IQCM: variants seen among roughly 807,000 people sequenced by gnomAD.
IQCM encodes the protein IQ motif containing M, also known as IQ domain-containing protein M.
Under a neutral mutation model 57.6 loss-of-function variants are expected in IQCM, and 45 were observed. The observed-to-expected ratio is 0.78, with a 90% CI of 0.62 to 1.00. IQCM has a LOEUF of 1.00. Ranked by LOEUF, IQCM falls within the 50% of genes least tolerant of loss-of-function variation. The probability of loss-of-function intolerance (pLI) is 0.00; values close to 1 mark genes in which losing one functional copy is unlikely to be tolerated. For synonymous variants in IQCM, 148 were observed against 158.9 expected, an observed-to-expected ratio of 0.93 and a Z score of 0.51; for missense variants, 468 against 511.6, an observed-to-expected ratio of 0.91 and a Z score of 0.82.
At chr4:149,534,705 T>G (rs1273216992) in intron 12 of IQCM, among the ~76,000 whole-genome samples, 1 of 152,098 alleles carries the variant, frequency 6.6e-6, no homozygotes, top group African/African-American at 2.4e-5. Context: ...ACATCTCCTT[T>G]TATAAGTCAG....
At chr4:149,708,720 A>C (rs1764341921) in intron 5 of IQCM, among the ~76,000 whole-genome samples, 1 of 152,004 alleles carries the variant, frequency 6.6e-6, no homozygotes, top group Non-Finnish European at 1.5e-5. Context: ...TATATCTCAA[A>C]CATCTTGACA....
chr4:149,486,017 G>GTCTCTC (rs71596213), intron 12 of IQCM, among the ~76,000 whole-genome samples: 4,463 of 121,364 alleles, frequency 0.037, 143 homozygotes, highest in Non-Finnish European at 0.053. Flanking sequence ...AGCAAACAGA[G>GTCTCTC]TCTCTCTCTC....
In IQCM at chr4:149,617,882, C is replaced by T. The variant is rs191224541; in HGVS notation, c.681+3247G>A. ...TGGCACAAACAAATGGAAAAGCATCCCAGTCTCATGAATTGGAAGGATAAA... is the reference window on the plus strand; with the variant it reads ...TGGCACAAACAAATGGAAAAGCATCTCAGTCTCATGAATTGGAAGGATAAA... On this transcript the variant is annotated intron_variant, in intron 8 of 13. Coordinates refer to ENST00000636793, the MANE Select transcript of IQCM (RefSeq NM_001363507.2). Among the ~76,000 whole-genome samples, 73 of 152,124 alleles carry T rather than the reference C, an allele frequency of 4.8e-4. 3 individuals carry two copies. The East Asian group carries it at 9.5e-3, about 20-fold the overall frequency.
chr4:149,593,325 G>A (rs972442908), intron 8 of IQCM, among the ~76,000 whole-genome samples: 1 of 152,146 alleles, frequency 6.6e-6, no homozygotes, highest in African/African-American at 2.4e-5. Context: ...AGACTTTGCT[G>A]AAGTTGCCTA....
intron 2 of IQCM, among the ~76,000 whole-genome samples, chr4:149,806,367 A>G (rs920690848): frequency 4.6e-5 from 7 of 151,964 alleles, no homozygotes; most frequent in African/African-American, 1.4e-4. Flanking sequence ...TTTGAAATAT[A>G]CAATAACTTG....
chr4:149,472,912 C>T (rs1208186760), intron 12 of IQCM, among the ~76,000 whole-genome samples: 1 of 152,178 alleles, frequency 6.6e-6, no homozygotes, highest in Non-Finnish European at 1.5e-5. Flanking sequence ...GGAAAACTGG[C>T]TAGCCATATG....
intron 10 of IQCM, among the ~76,000 whole-genome samples, chr4:149,558,065 G>C (rs760609219): frequency 2.0e-5 from 3 of 152,118 alleles, no homozygotes; most frequent in Non-Finnish European, 4.4e-5. Context: ...CCTTGATCTA[G>C]CACATTCTGG....
chr4:149,564,822 T>C (rs1579508922), intron 9 of IQCM, among the ~76,000 whole-genome samples: 1 of 152,024 alleles, frequency 6.6e-6, no homozygotes, highest in East Asian at 1.9e-4. Flanking sequence ...CCTATATATA[T>C]ATATATTCCA....
At chr4:149,407,323 T>G (rs1304993639) in intron 13 of IQCM, among the ~76,000 whole-genome samples, 1 of 152,178 alleles carries the variant, frequency 6.6e-6, no homozygotes, top group East Asian at 1.9e-4. Context: ...GAAATTAATT[T>G]TTAAACAAAT....
chr4:149,482,242 C>A (rs1018663189), intron 12 of IQCM, among the ~76,000 whole-genome samples: 1 of 152,066 alleles, frequency 6.6e-6, no homozygotes, highest in Non-Finnish European at 1.5e-5. Context: ...AATTTGATTT[C>A]TTCCTTTCCA....
At chr4:149,616,238 T>G (rs1023670927) in intron 8 of IQCM, among the ~76,000 whole-genome samples, 1 of 152,092 alleles carries the variant, frequency 6.6e-6, no homozygotes, top group Non-Finnish European at 1.5e-5. Flanking sequence ...AAATGTAGTA[T>G]ATACATACAA....
intron 12 of IQCM, among the ~76,000 whole-genome samples, chr4:149,506,759 A>G (rs531913431): frequency 1.3e-5 from 2 of 152,348 alleles, no homozygotes; most frequent in East Asian, 3.9e-4. Context: ...GACAGCATAG[A>G]GGAACCAAGA....
intron 8 of IQCM, among the ~76,000 whole-genome samples, chr4:149,598,525 GAACA>G (rs1753981781): frequency 2.0e-5 from 3 of 151,616 alleles, no homozygotes. Context: ...AAAATGGAAA[GAACA>G]AATAAAGGGC....
chr4:149,785,510 G>T (rs555342781), intron 2 of IQCM, among the ~76,000 whole-genome samples: 1 of 152,032 alleles, frequency 6.6e-6, no homozygotes, highest in African/African-American at 2.4e-5. Flanking sequence ...TTCAAACTTT[G>T]ACAAAGAAAA....
chr4:149,626,096 G>A (rs1191332296), intron 7 of IQCM, among the ~76,000 whole-genome samples: 1 of 151,934 alleles, frequency 6.6e-6, no homozygotes, highest in African/African-American at 2.4e-5. Context: ...AAAGAGATTA[G>A]CATTTGAGTC....
At chr4:149,781,700 C>T (rs1771616985) in intron 2 of IQCM, among the ~76,000 whole-genome samples, 2 of 152,250 alleles carry the variant, frequency 1.3e-5, no homozygotes, top group Admixed American at 6.5e-5. Flanking sequence ...CAGACATCTG[C>T]TGGGGGTCTT....
intron 13 of IQCM, among the ~76,000 whole-genome samples, chr4:149,400,878 G>C (rs1049683443): frequency 5.3e-5 from 8 of 151,854 alleles, no homozygotes; most frequent in Non-Finnish European, 1.0e-4. Flanking sequence ...AAGCTGTATA[G>C]ACTAATTCTT....
intron 13 of IQCM, among the ~76,000 whole-genome samples, chr4:149,423,852 C>T (rs550653697): frequency 6.6e-6 from 1 of 151,732 alleles, no homozygotes; most frequent in East Asian, 1.9e-4. Flanking sequence ...ATTTTTGCCT[C>T]CCAATGGTAA....
intron 5 of IQCM, among the ~76,000 whole-genome samples, chr4:149,721,660 A>G (rs1765460970): frequency 6.6e-6 from 1 of 152,146 alleles, no homozygotes; most frequent in Admixed American, 6.6e-5. Context: ...TTCATGGTAT[A>G]AATATACCAC....
Sources: gnomAD v4.1 joint callset for allele counts (sites outside exome capture counted in the v4.1 genomes callset) on GRCh38, gnomAD v4.1.1 for gene constraint, MANE v1.5 for transcripts, NCBI Gene and HGNC (gene_info 2026-07-23, HGNC 2026-07-21) for gene names.